The following PACRG variants were observed in gnomAD, a reference collection of about 807,000 sequenced individuals.
The protein encoded by PACRG is parkin coregulated, also known as parkin coregulated gene protein.
PACRG carries 29 observed loss-of-function variants against 29.7 expected under a neutral mutation model. That is an observed-to-expected ratio of 0.98 (90% CI 0.73 to 1.33). The LOEUF (loss-of-function observed/expected upper bound fraction) is 1.33, where lower values mean the gene tolerates loss of function less well. PACRG is among the 40% of genes most tolerant of loss of function. The pLI, the probability that PACRG is intolerant of heterozygous loss-of-function variation, is 0.00. For missense variants in PACRG, 279 were observed against 316.2 expected (o/e 0.88, Z 0.89); for synonymous variants, 116 against 118.7 (o/e 0.98, Z 0.15).
At chr6:162,732,300 G>T (rs1779830407) in intron 1 of PACRG, among the ~76,000 whole-genome samples, 1 of 152,082 alleles carries the variant, frequency 6.6e-6, no homozygotes, top group Non-Finnish European at 1.5e-5. Flanking sequence ...GAGAAAAATG[G>T]GTATGGAGCA....
intron 4 of PACRG, among the ~76,000 whole-genome samples, chr6:163,105,235 C>A (rs1185497630): frequency 6.6e-6 from 1 of 152,022 alleles, no homozygotes; most frequent in Non-Finnish European, 1.5e-5. Flanking sequence ...AACTTCCAGG[C>A]CCAATGCATA....
chr6:163,132,221 G>A (rs1816769772), intron 4 of PACRG, among the ~76,000 whole-genome samples: 1 of 152,154 alleles, frequency 6.6e-6, no homozygotes, highest in Admixed American at 6.5e-5. Flanking sequence ...CCACTTACTA[G>A]AAATCTAATA....
intron 4 of PACRG, among the ~76,000 whole-genome samples, chr6:163,308,685 A>G (rs960808716): frequency 6.6e-6 from 1 of 151,436 alleles, no homozygotes; most frequent in South Asian, 2.1e-4. Flanking sequence ...AAAAAGGAAA[A>G]TTTATTCAGA....
intron 2 of PACRG, among the ~76,000 whole-genome samples, chr6:162,829,391 A>G (rs1267400083): frequency 6.6e-6 from 1 of 152,260 alleles, no homozygotes; most frequent in Non-Finnish European, 1.5e-5. Flanking sequence ...ATGGAATTAA[A>G]TGAAAAGAGA....
chr6:162,892,598 C>A lies in PACRG; in HGVS notation c.291+78317C>A, dbSNP rs753794206. 9.2e-5 allele frequency among the ~76,000 whole-genome samples: 14 copies of A among 152,292 alleles called. No homozygotes were observed. The Middle Eastern group carries it at 0.01, about 111-fold the overall frequency. On this transcript the variant is annotated intron_variant, in intron 2 of 4. Transcript: ENST00000366888. ...TCTAGTCTAATTCTGATGCGACCAC[C>A]TGGATGCTCATGCCGCATTGCCATG...
rs199611976 is a variant in PACRG, at chr6:162,974,147, G to A, written c.292-88003G>A. On this transcript the variant is annotated intron_variant, in intron 2 of 4. Transcript: ENST00000366888. ...AAAAGAGAAAGTTGCCTGCATTGAC[G>A]GGGCTCGCTCAAGTATTTCAGTTTC... Among the ~76,000 whole-genome samples the A allele has an allele frequency of 2.1e-4, 32 of 152,104 alleles. No individual in the cohort carries two copies. In the East Asian group the frequency reaches 5.0e-3, roughly 24 times the overall value.
intron 4 of PACRG, among the ~76,000 whole-genome samples, chr6:163,130,027 C>G (rs1816670940): frequency 6.6e-6 from 1 of 152,180 alleles, no homozygotes; most frequent in African/African-American, 2.4e-5. Context: ...TCATGTGTCT[C>G]TTATGGTTCC....
intron 2 of PACRG, among the ~76,000 whole-genome samples, chr6:162,865,496 T>A (rs1170440063): frequency 6.6e-6 from 1 of 152,202 alleles, no homozygotes; most frequent in Non-Finnish European, 1.5e-5. Flanking sequence ...TTCGACTACA[T>A]GGATGCCTTT....
Position 163,219,635 on chromosome 6 carries a change from C to T in PACRG, c.614-95192C>T, listed in dbSNP as rs1781495730. On this transcript the variant is annotated intron_variant, in intron 4 of 4. Transcript: ENST00000366888. ...TCAGCCTGCCTTTCCCACCTGCCTC[C>T]TCCTGCAGCTCAGCCTGCCTTTCCC... Among the ~76,000 whole-genome samples the T allele has an allele frequency of 4.2e-5, 6 of 144,248 alleles. No individual in the cohort carries two copies. In the South Asian group the frequency reaches 1.4e-3, roughly 33 times the overall value. 94.6% of individuals were successfully genotyped at this position (144,248 alleles called of 152,430 possible). A position where few individuals can be genotyped will look rare whatever the true frequency, so the allele number is the denominator to read the frequency against.
rs1326984720 is a variant in PACRG, at chr6:163,289,758, G to C, written c.614-25069G>C. ...AAGACCGGGAGTGGGGACAGGGGGAGCTGGTGCCAGGGCAGGGACAGAGCT... is the reference window on the plus strand; with the variant it reads ...AAGACCGGGAGTGGGGACAGGGGGACCTGGTGCCAGGGCAGGGACAGAGCT... On this transcript the variant is annotated intron_variant, in intron 4 of 4. Coordinates refer to ENST00000366888, the MANE Select transcript of PACRG (RefSeq NM_001080379.2). Among the ~76,000 whole-genome samples the C allele has an allele frequency of 4.3e-3, 659 of 152,246 alleles. 5 individuals are homozygous for C. The highest frequency in any genetic ancestry group is 0.014 in the African/African-American group (590 of 41,552).
intron 2 of PACRG, among the ~76,000 whole-genome samples, chr6:163,058,276 C>T (rs148469437): frequency 8.5e-5 from 13 of 152,248 alleles, no homozygotes; most frequent in South Asian, 2.1e-4. Flanking sequence ...GCTCTTTGTC[C>T]GTCAGGTGAG....
intron 2 of PACRG, among the ~76,000 whole-genome samples, chr6:162,814,633 C>T (rs1787170534): frequency 6.6e-6 from 1 of 152,158 alleles, no homozygotes; most frequent in African/African-American, 2.4e-5. Context: ...TTATCTCCCC[C>T]AGATTTCACC....
intron 2 of PACRG, among the ~76,000 whole-genome samples, chr6:162,863,929 C>T (rs1280983404): frequency 1.3e-5 from 2 of 152,080 alleles, no homozygotes; most frequent in African/African-American, 4.8e-5. Context: ...ATTTTGAGGC[C>T]TTCCATTGCT....
intron 2 of PACRG, among the ~76,000 whole-genome samples, chr6:162,900,428 A>G (rs556009790): frequency 6.6e-6 from 1 of 152,290 alleles, no homozygotes; most frequent in East Asian, 1.9e-4. Context: ...TCCCGTCTTC[A>G]ATGAACTTAC....
chr6:162,836,023 A>G (rs1446313140), intron 2 of PACRG, among the ~76,000 whole-genome samples: 1 of 151,802 alleles, frequency 6.6e-6, no homozygotes, highest in Non-Finnish European at 1.5e-5. Flanking sequence ...CTTTTGCTTT[A>G]TTGTTATTAA....
intron 4 of PACRG, among the ~76,000 whole-genome samples, chr6:163,202,993 T>C (rs1026890596): frequency 2.0e-5 from 3 of 152,098 alleles, no homozygotes; most frequent in Non-Finnish European, 4.4e-5. Context: ...GAAGGGGCTG[T>C]GGGGGAAGCA....
At chr6:162,736,397 T>C in intron 1 of PACRG, among the ~76,000 whole-genome samples, 1 of 151,896 alleles carries the variant, frequency 6.6e-6, no homozygotes, top group African/African-American at 2.4e-5. Flanking sequence ...AGATTGTATA[T>C]ATTTTAGTTA....
chr6:163,173,842 G>T lies in PACRG; in HGVS notation c.613+84434G>T, dbSNP rs140307070. On this transcript the variant is annotated intron_variant, in intron 4 of 4. Coordinates refer to ENST00000366888, the MANE Select transcript of PACRG (RefSeq NM_001080379.2). ...AAAACCTTGGGGTTAGAGTGTTGGT[G>T]CCTTGTCCTCTCCATAGCCAAAGGC... Among the ~76,000 whole-genome samples, 946 of 152,300 alleles carry T rather than the reference G, an allele frequency of 6.2e-3. 4 individuals are homozygous for T. Among genetic ancestry groups the T allele is most frequent in the African/African-American group, 0.016 (658 of 41,556 alleles).
At chr6:163,245,095 A>G (rs1229299119) in intron 4 of PACRG, 2 of 447,002 alleles carry the variant, frequency 4.5e-6, no homozygotes, top group Non-Finnish European at 8.9e-6. Flanking sequence ...AAACTCTGCA[A>G]CAAATAATAT....
Sources: allele counts gnomAD v4.1 joint callset (sites outside exome capture counted in the v4.1 genomes callset), GRCh38; gene constraint gnomAD v4.1.1; transcripts MANE v1.5; gene names NCBI Gene and HGNC (gene_info 2026-07-23, HGNC 2026-07-21).